The following RIF1 variants were observed in gnomAD, a reference collection of about 807,000 sequenced individuals.
RIF1 encodes replication timing regulatory factor 1, also known as telomere-associated protein RIF1.
Under a neutral mutation model 247.1 loss-of-function variants are expected in RIF1, and 45 were observed. The observed-to-expected ratio is 0.18, with a 90% CI of 0.14 to 0.23. The LOEUF (loss-of-function observed/expected upper bound fraction) is 0.23. Ranked by LOEUF, RIF1 falls within the 10% of genes least tolerant of loss-of-function variation. RIF1 has a pLI of 1.00. For missense variants in RIF1, 2,967 were observed against 2,862.5 expected (o/e 1.04, Z -0.83); for synonymous variants, 1,087 against 978.8 (o/e 1.11, Z -2.06).
In RIF1 at chr2:151,482,161, A is replaced by G. The variant is rs2049197003; in HGVS notation, c.*7090A>G. The G allele has an allele frequency of 1.3e-5, 2 of 152,246 alleles. No individual in the cohort carries two copies. The highest frequency in any genetic ancestry group is 6.5e-5 in the Admixed American group (1 of 15,276). The allele number at this position is 152,246 out of a possible 1,614,324, so 9.4% of individuals were successfully genotyped here. A position where few individuals can be genotyped will look rare whatever the true frequency, so the allele number is the denominator to read the frequency against. On this transcript the variant is annotated 3_prime_UTR_variant, in exon 36 of 36. Transcript: ENST00000444746. ...ATGCACTTTTACCTGAAATAAAACT[A>G]TAAAAACTAAACTCTGGTACTTGTT...
chr2:151,442,537 T>C (rs1398138406), intron 16 of RIF1, among the ~76,000 whole-genome samples: 1 of 152,086 alleles, frequency 6.6e-6, no homozygotes, highest in African/African-American at 2.4e-5. Flanking sequence ...TTTTCCTGGA[T>C]TAAATAAATG....
intron 10 of RIF1, chr2:151,497,523 T>C: frequency 1.3e-6 from 2 of 1,501,914 alleles, no homozygotes; most frequent in African/African-American, 1.4e-5. Context: ...ATTCACAAAA[T>C]TTAAGTTGTC....
rs71403169 is a variant in RIF1, at chr2:151,446,945, C to CTT, written c.2244+385_2244+386dup. Among the ~76,000 whole-genome samples, 450 of 137,638 alleles carry CTT rather than the reference C, an allele frequency of 3.3e-3. 9 individuals are homozygous for CTT. Among genetic ancestry groups the CTT allele is most frequent in the African/African-American group, 4.7e-3 (174 of 36,834 alleles). 90.3% of individuals were successfully genotyped at this position (137,638 alleles called of 152,430 possible). Reference sequence around the variant, plus strand: ...GAAAATATAAGTCTCTTTTCTCTTTCTTTTTTTTTTTTTTTTGAGACGGAG... The same window carrying CTT: ...GAAAATATAAGTCTCTTTTCTCTTTCTTTTTTTTTTTTTTTTTTGAGACGGAG... On this transcript the variant is annotated intron_variant, in intron 20 of 35. Coordinates refer to ENST00000444746, the MANE Select transcript of RIF1 (RefSeq NM_018151.5).
intron 8 of RIF1, 77 bp downstream of exon 8, chr2:151,423,119 TTGATGCTCATTATTTCCTTTGTACAGC>T (rs1406309426): frequency 3.9e-6 from 3 of 772,474 alleles, no homozygotes; most frequent in Middle Eastern, 2.2e-4. Flanking sequence ...CTTTGTACAG[TTGATGCTCATTATTTCCTTTGTACAGC>T]TGATGCTCAT....
At chr2:151,514,889 T>C in the RIF1 span, 1 of 1,585,672 alleles carries the variant, frequency 6.3e-7, no homozygotes, top group Non-Finnish European at 8.6e-7. Flanking sequence ...GTCAGGTTTC[T>C]GCCTTTAATG....
intron 21 of RIF1, among the ~76,000 whole-genome samples, chr2:151,451,992 A>G (rs1367922591): frequency 2.6e-5 from 4 of 152,214 alleles, no homozygotes; most frequent in African/African-American, 9.6e-5. Flanking sequence ...GCCTAATAGT[A>G]CAAATGGTTT....
In RIF1 at chr2:151,478,107, T is replaced by C. The variant is rs897262555; in HGVS notation, c.*3036T>C. 4 of 152,244 alleles carry C rather than the reference T, an allele frequency of 2.6e-5. No homozygotes were observed. Among genetic ancestry groups the C allele is most frequent in the Non-Finnish European group, 5.9e-5 (4 of 68,048 alleles). The allele number at this position is 152,244 out of a possible 1,614,324, so 9.4% of individuals were successfully genotyped here. On this transcript the variant is annotated 3_prime_UTR_variant, in exon 36 of 36. Coordinates refer to ENST00000444746, the MANE Select transcript of RIF1 (RefSeq NM_018151.5). ...ATTGTTAAAGCTGCTTTGCCACTTG[T>C]ACAAGTTTGAAAACCATTGTTGAAT...
intron 35 of RIF1, among the ~76,000 whole-genome samples, 173 bp downstream of exon 35, chr2:151,474,245 T>G (rs960987034): frequency 3.3e-5 from 5 of 152,264 alleles, no homozygotes; most frequent in Admixed American, 6.5e-5. Context: ...CTACTTGTTT[T>G]TCTTGTCAAC....
At chr2:151,452,940 A>G (rs1694580847) in intron 21 of RIF1, among the ~76,000 whole-genome samples, 1 of 152,186 alleles carries the variant, frequency 6.6e-6, no homozygotes, top group South Asian at 2.1e-4. Flanking sequence ...TTGCTGTAAA[A>G]TTTGGGTAAT....
downstream of RIF1, among the ~76,000 whole-genome samples, chr2:151,511,255 TA>T (rs2074027838): frequency 6.6e-6 from 1 of 152,172 alleles, no homozygotes; most frequent in Non-Finnish European, 1.5e-5. Context: ...TGGTAGTTTT[TA>T]AAAAGCTAAT....
At chr2:151,440,468 G>C (rs1219275767) in intron 15 of RIF1, among the ~76,000 whole-genome samples, 1 of 151,846 alleles carries the variant, frequency 6.6e-6, no homozygotes, top group Non-Finnish European at 1.5e-5. Flanking sequence ...CTAATAGTTG[G>C]TACTTTGTTT....
At chr2:151,526,304 A>G in the RIF1 span, 2 of 1,294,018 alleles carry the variant, frequency 1.5e-6, no homozygotes, top group African/African-American at 2.9e-5. Flanking sequence ...GCTCTGCTGG[A>G]TATCCTACAT....
Position 151,464,579 on chromosome 2 carries a change from G to A in RIF1, c.5059G>A (p.Asp1687Asn), listed in dbSNP as rs906446760. 1.4e-5 allele frequency: 22 copies of A among 1,613,322 alleles called. No individual in the cohort carries two copies. Among genetic ancestry groups the A allele is most frequent in the Middle Eastern group, 1.6e-4 (1 of 6,080 alleles). The change falls in exon 30 of 36, where the codon GAC (aspartate) becomes AAC (asparagine). Residue 1687 changes from aspartate (D) to asparagine (N), a missense_variant. Asp to Asn is a conservative substitution (Grantham distance 23, BLOSUM62 1). Transcript: ENST00000444746. Reference sequence around the variant, plus strand: ...TGCCATTAAGAGATTACATAAGCGAGACTCTTTTGATAATTGTAGTTTGGG... The same window carrying A: ...TGCCATTAAGAGATTACATAAGCGAAACTCTTTTGATAATTGTAGTTTGGG... ...RNAIKRLHKR[D>N]SFDNCSLGES...
chr2:151,501,289 T>C, intron 11 of RIF1: 1 of 780,326 alleles, frequency 1.3e-6, no homozygotes, highest in East Asian at 2.8e-5. Context: ...TAAAAAAAGA[T>C]TTTGTTAAAT....
intron 20 of RIF1, among the ~76,000 whole-genome samples, chr2:151,449,819 G>T (rs566610646): frequency 2.0e-5 from 3 of 149,106 alleles, no homozygotes; most frequent in Non-Finnish European, 4.4e-5. Context: ...ACTGCCATCA[G>T]TGATCATATA....
the RIF1 span, chr2:151,519,885 T>C: frequency 1.5e-6 from 1 of 659,142 alleles, no homozygotes; most frequent in Non-Finnish European, 2.7e-6. Flanking sequence ...GATCATATAA[T>C]CTATTATCCA....
chr2:151,448,149 G>A (rs538800942), intron 20 of RIF1, among the ~76,000 whole-genome samples: 14 of 151,966 alleles, frequency 9.2e-5, no homozygotes, highest in African/African-American at 3.1e-4. Flanking sequence ...TGCCTCCCAG[G>A]TTCAAGTGAT....
chr2:151,515,671 C>T, the RIF1 span, among the ~76,000 whole-genome samples: 1 of 152,288 alleles, frequency 6.6e-6, no homozygotes, highest in South Asian at 2.1e-4. Context: ...TGGAACTCTA[C>T]TTTTGTAATT....
At chr2:151,486,014 A>G, downstream of RIF1, 2 of 1,404,926 alleles carry the variant, frequency 1.4e-6, no homozygotes, top group Non-Finnish European at 2.0e-6. Context: ...AAGATCTCTC[A>G]TGACTGACTC....
Sources: gnomAD v4.1 joint callset for allele counts (sites outside exome capture counted in the v4.1 genomes callset) on GRCh38, gnomAD v4.1.1 for gene constraint, MANE v1.5 for transcripts, NCBI Gene and HGNC (gene_info 2026-07-23, HGNC 2026-07-21) for gene names.